CNOT6L: variants seen among roughly 807,000 people sequenced by gnomAD.
CNOT6L encodes the protein CCR4-NOT transcription complex subunit 6 like, also known as CCR4-NOT transcription complex subunit 6-like.
A neutral mutation model predicts 64.0 loss-of-function variants in CNOT6L; 7 were observed. That is an observed-to-expected ratio of 0.11 (90% CI 0.06 to 0.21). The LOEUF (loss-of-function observed/expected upper bound fraction) is 0.21, where lower values mean the gene tolerates loss of function less well. Ranked by LOEUF, CNOT6L falls within the 10% of genes least tolerant of loss-of-function variation. The pLI is 1.00. For missense variants in CNOT6L, 245 were observed against 669.0 expected, an observed-to-expected ratio of 0.37 and a Z score of 6.99; for synonymous variants, 193 against 243.4, an observed-to-expected ratio of 0.79 and a Z score of 1.93.
At chr4:77,808,790 A>G (rs1188271693) in intron 1 of CNOT6L, among the ~76,000 whole-genome samples, 1 of 152,168 alleles carries the variant, frequency 6.6e-6, no homozygotes, top group Non-Finnish European at 1.5e-5. Context: ...TTTAAAATCC[A>G]TATGTACTCT....
chr4:77,813,254 G>A (rs1397314436), intron 1 of CNOT6L, among the ~76,000 whole-genome samples: 1 of 151,282 alleles, frequency 6.6e-6, no homozygotes, highest in Non-Finnish European at 1.5e-5. Context: ...GGACAAAACA[G>A]GGAAGTAAAT....
At chr4:77,722,086 T>C (rs1370442612) in intron 11 of CNOT6L, among the ~76,000 whole-genome samples, 1 of 152,090 alleles carries the variant, frequency 6.6e-6, no homozygotes, top group Non-Finnish European at 1.5e-5. Flanking sequence ...CAAAAAATGA[T>C]AGGATCATAA....
Position 77,750,266 on chromosome 4 carries a change from G to T in CNOT6L, c.491-1882C>A, listed in dbSNP as rs542802707. The stretch of plus-strand genomic sequence containing the variant: ...TGCATGGAAGGGACTGTGATTAAAA[G>T]TAATGATTAAAAGAAATTTTAATCA... On this transcript the variant is annotated intron_variant, in intron 5 of 11. Transcript: ENST00000504123. Among the ~76,000 whole-genome samples the T allele has an allele frequency of 3.9e-5, 6 of 152,214 alleles. No homozygotes were observed. The South Asian group carries it at 1.0e-3, about 26-fold the overall frequency.
At chr4:77,783,535 A>T (rs1299102470) in intron 1 of CNOT6L, among the ~76,000 whole-genome samples, 3 of 152,236 alleles carry the variant, frequency 2.0e-5, no homozygotes, top group Non-Finnish European at 4.4e-5. Context: ...TAAGTAGAAC[A>T]ACTAAAGGGA....
rs1728134849 is a variant in CNOT6L at position 77,776,294 on chromosome 4, T to C, written c.104A>G (p.His35Arg). Reference protein sequence around the residue: ...AEEVANGKKSHWAELEISGRV... With the variant: ...AEEVANGKKSRWAELEISGRV... ...ACCCGAGATTTCTAATTCTGCCCAG[T>C]GAGATTTTTTCCCATTGGCTACCTC... The change falls in exon 2 of 12, where the codon CAC becomes CGC. Residue 35 changes from histidine to arginine, a missense_variant. His to Arg is a conservative substitution (Grantham distance 29). Transcript: ENST00000504123. 1 of 1,610,758 alleles carries C rather than the reference T, an allele frequency of 6.2e-7. No homozygotes were observed. The highest frequency in any genetic ancestry group is 8.5e-7 in the Non-Finnish European group (1 of 1,178,812).
intron 2 of CNOT6L, among the ~76,000 whole-genome samples, chr4:77,776,007 C>A (rs1268954340): frequency 6.6e-6 from 1 of 152,076 alleles, no homozygotes; most frequent in South Asian, 2.1e-4. Flanking sequence ...TAAACAAAAT[C>A]TATTATATCA....
chr4:77,803,695 G>A (rs902416538), intron 1 of CNOT6L, among the ~76,000 whole-genome samples: 4 of 152,086 alleles, frequency 2.6e-5, no homozygotes, highest in Non-Finnish European at 4.4e-5. Flanking sequence ...CCTGAGAACG[G>A]CAGTTCAAGA....
At position 77,814,826 on chromosome 4, in the gene CNOT6L, T is replaced by C. The variant is rs181818638; in HGVS notation, c.5+4478A>G. Among the ~76,000 whole-genome samples the C allele has an allele frequency of 5.3e-5, 8 of 152,286 alleles. No homozygotes were observed. The East Asian group carries it at 9.6e-4, about 18-fold the overall frequency. ...ACATTATAATAAACCTGCACAATCATAGAATAAATTGTGATTCAATTAAAG... is the reference window on the plus strand; with the variant it reads ...ACATTATAATAAACCTGCACAATCACAGAATAAATTGTGATTCAATTAAAG... On this transcript the variant is annotated intron_variant, in intron 1 of 11. Transcript: ENST00000504123.
At chr4:77,802,244 T>C (rs1731666569) in intron 1 of CNOT6L, among the ~76,000 whole-genome samples, 1 of 152,208 alleles carries the variant, frequency 6.6e-6, no homozygotes, top group Non-Finnish European at 1.5e-5. Flanking sequence ...ATATACTGTA[T>C]GTCAGCATTG....
At chr4:77,805,314 A>G (rs1041770681) in intron 1 of CNOT6L, among the ~76,000 whole-genome samples, 1 of 152,224 alleles carries the variant, frequency 6.6e-6, no homozygotes, top group Non-Finnish European at 1.5e-5. Flanking sequence ...ATCTGCAAAG[A>G]AAAGTACATT....
intron 4 of CNOT6L, among the ~76,000 whole-genome samples, chr4:77,757,981 T>C (rs1343439031): frequency 3.3e-5 from 5 of 152,198 alleles, no homozygotes; most frequent in African/African-American, 1.2e-4. Context: ...ATTACAGGCA[T>C]GAGCCACTCT....
rs1720766694 is a variant in CNOT6L at position 77,716,549 on chromosome 4, C to T, written c.*3882G>A. The T allele has an allele frequency of 6.6e-6, 1 of 152,074 alleles. No homozygotes were observed. Among genetic ancestry groups the T allele is most frequent in the Admixed American group, 6.6e-5 (1 of 15,228 alleles). The allele number at this position is 152,074 out of a possible 1,614,324, so 9.4% of individuals were successfully genotyped here. ...ATGCAAATATAAACTTAAATTTTCA[C>T]CCATTTAACAATATAAACTTAGAAT... On this transcript the variant is annotated 3_prime_UTR_variant, in exon 12 of 12. Transcript: ENST00000504123.
intron 1 of CNOT6L, among the ~76,000 whole-genome samples, chr4:77,817,376 TTA>T (rs1229158073): frequency 1.3e-5 from 2 of 152,194 alleles, no homozygotes; most frequent in Non-Finnish European, 2.9e-5. Flanking sequence ...CTTTTTTACG[TTA>T]TAGTTACTTA....
chr4:77,716,797 CTTCT>C lies in CNOT6L; in HGVS notation c.*3630_*3633del, dbSNP rs1216237153. On this transcript the variant is annotated 3_prime_UTR_variant, in exon 12 of 12. Transcript: ENST00000504123. ...TGCCAACTACACTAAAACACAGTGG[CTTCT>C]TTAATACATTCACACAGGATGCTAA... The C allele has an allele frequency of 2.0e-5, 3 of 152,536 alleles. No homozygotes were observed. The highest frequency in any genetic ancestry group is 4.1e-4 in the South Asian group (2 of 4,834). The allele number at this position is 152,536 out of a possible 1,614,324, so 9.4% of individuals were successfully genotyped here.
At chr4:77,728,832 G>A in intron 10 of CNOT6L, 22 bp downstream of exon 10, 2 of 1,584,920 alleles carry the variant, frequency 1.3e-6, no homozygotes, top group Non-Finnish European at 1.7e-6. Flanking sequence ...TGAAAGCAGT[G>A]AGGAAATGAT....
At chr4:77,792,117 C>G (rs1185677299) in intron 1 of CNOT6L, among the ~76,000 whole-genome samples, 1 of 152,072 alleles carries the variant, frequency 6.6e-6, no homozygotes, top group Non-Finnish European at 1.5e-5. Flanking sequence ...TCTTGAGATA[C>G]AAAATACTTG....
intron 1 of CNOT6L, among the ~76,000 whole-genome samples, chr4:77,811,179 A>G (rs1277507274): frequency 2.6e-5 from 4 of 152,212 alleles, no homozygotes; most frequent in Non-Finnish European, 5.9e-5. Flanking sequence ...CACTGCTCAA[A>G]AAATCTTAAT....
chr4:77,773,173 T>TAAAA lies in CNOT6L; in HGVS notation c.315-11_315-8dup. 2.3e-6 allele frequency: 3 copies of TAAAA among 1,280,322 alleles called. No individual in the cohort carries two copies. Among genetic ancestry groups the TAAAA allele is most frequent in the South Asian group, 1.4e-5 (1 of 69,724 alleles). 79.3% of individuals were successfully genotyped at this position (1,280,322 alleles called of 1,614,324 possible). The stretch of plus-strand genomic sequence containing the variant: ...GTTATTTAAAAGCAATTCCCTGTTT[T>TAAAA]AAAAAAAAAAAAAAAATTAGTTTAA... On this transcript the variant is annotated splice_polypyrimidine_tract_variant and splice_region_variant and intron_variant, in intron 3 of 11. Transcript: ENST00000504123.
At chr4:77,721,554 G>A (rs768337332) in intron 11 of CNOT6L, among the ~76,000 whole-genome samples, 22 of 152,098 alleles carry the variant, frequency 1.4e-4, no homozygotes, top group Non-Finnish European at 2.8e-4. Flanking sequence ...AATGAAATGG[G>A]CTACTTAAAA....
Sources: gnomAD v4.1 joint callset for allele counts (sites outside exome capture counted in the v4.1 genomes callset) on GRCh38, gnomAD v4.1.1 for gene constraint, MANE v1.5 for transcripts, NCBI Gene and HGNC (gene_info 2026-07-23, HGNC 2026-07-21) for gene names.